The following FYB1 variants were observed in gnomAD, a reference collection of about 807,000 sequenced individuals.
FYB1 encodes FYN binding protein 1.
A neutral mutation model predicts 94.1 loss-of-function variants in FYB1; 41 were observed. The observed-to-expected ratio is 0.44, with a 90% CI of 0.34 to 0.57. FYB1 has a LOEUF of 0.57. Among genes scored for constraint, FYB1 ranks in the 20% least tolerant of loss-of-function variants. FYB1 has a pLI of 0.02. For missense variants in FYB1, 1,050 were observed against 976.8 expected (o/e 1.07, Z -1.00); for synonymous variants, 367 against 353.2 (o/e 1.04, Z -0.44).
chr5:39,204,911 C>T (rs1016814302), intron 1 of FYB1, among the ~76,000 whole-genome samples: 1 of 152,240 alleles, frequency 6.6e-6, no homozygotes, highest in Admixed American at 6.5e-5. Flanking sequence ...ACCTTTCCTC[C>T]CTTTGCCACT....
intron 1 of FYB1, among the ~76,000 whole-genome samples, chr5:39,210,607 G>A (rs1016462843): frequency 6.6e-6 from 1 of 152,124 alleles, no homozygotes; most frequent in African/African-American, 2.4e-5. Flanking sequence ...CTACAAATTC[G>A]AACCTTCAAT....
chr5:39,221,945 G>T (rs1192232494), upstream of FYB1, among the ~76,000 whole-genome samples: 4 of 152,028 alleles, frequency 2.6e-5, no homozygotes, highest in Admixed American at 2.6e-4. Flanking sequence ...AGGTTGCAGT[G>T]AGCTGAGATT....
intron 16 of FYB1, among the ~76,000 whole-genome samples, chr5:39,111,276 C>A (rs888057471): frequency 6.6e-6 from 1 of 151,804 alleles, no homozygotes; most frequent in Non-Finnish European, 1.5e-5. Context: ...AGATTAGTAC[C>A]ATTTATTGCT....
chr5:39,224,619 G>A (rs572321158), intron 1 of FYB1, among the ~76,000 whole-genome samples: 1 of 152,260 alleles, frequency 6.6e-6, no homozygotes, highest in South Asian at 2.1e-4. Context: ...AACACATTAG[G>A]ATGAGAATGG....
At chr5:39,133,938 T>C (rs887200106) in intron 9 of FYB1, among the ~76,000 whole-genome samples, 1 of 152,202 alleles carries the variant, frequency 6.6e-6, no homozygotes, top group African/African-American at 2.4e-5. Flanking sequence ...ATAATGAACA[T>C]TATAAAAGTG....
intron 1 of FYB1, among the ~76,000 whole-genome samples, chr5:39,237,066 TAGTAGAA>T (rs950013295): frequency 2.6e-5 from 4 of 152,146 alleles, no homozygotes; most frequent in Admixed American, 2.6e-4. Flanking sequence ...ATGAAGGAAA[TAGTAGAA>T]AGCAAATTTA....
At chr5:39,263,340 A>T (rs976622572) in intron 1 of FYB1, among the ~76,000 whole-genome samples, 1 of 152,136 alleles carries the variant, frequency 6.6e-6, no homozygotes, top group African/African-American at 2.4e-5. Flanking sequence ...TGAGCCTCTT[A>T]TCCTTGGCTT....
intron 1 of FYB1, among the ~76,000 whole-genome samples, chr5:39,271,606 C>T (rs1752665701): frequency 6.6e-6 from 1 of 152,110 alleles, no homozygotes; most frequent in African/African-American, 2.4e-5. Flanking sequence ...TATATCCATA[C>T]AAAATCCTTT....
rs543278661 is a variant in FYB1 at position 39,141,031 on chromosome 5, A to G, written c.1339+64T>C. ...ACCCATTAATGAGCCTATAAGAATG[A>G]ATAGCTCAAACTTCTGTACCTGAGT... On this transcript the variant is annotated intron_variant, in intron 4 of 18. Transcript: ENST00000512982. 89 of 1,143,450 alleles carry G rather than the reference A, an allele frequency of 7.8e-5. No homozygotes were observed. In the South Asian group the frequency reaches 1.1e-3, roughly 14 times the overall value. The allele number at this position is 1,143,450 out of a possible 1,614,324, so 70.8% of individuals were successfully genotyped here.
chr5:39,255,302 A>C (rs1751888249), intron 1 of FYB1, among the ~76,000 whole-genome samples: 1 of 152,176 alleles, frequency 6.6e-6, no homozygotes, highest in Non-Finnish European at 1.5e-5. Flanking sequence ...TTTTAAAAAA[A>C]TTTTAAGCAT....
intron 16 of FYB1, among the ~76,000 whole-genome samples, chr5:39,113,420 C>T (rs1343512277): frequency 6.6e-6 from 1 of 152,054 alleles, no homozygotes; most frequent in Non-Finnish European, 1.5e-5. Context: ...ATTTATAGAG[C>T]AGAACACAAC....
upstream of FYB1, among the ~76,000 whole-genome samples, chr5:39,222,465 C>G (rs1440918941): frequency 6.6e-6 from 1 of 152,118 alleles, no homozygotes; most frequent in Non-Finnish European, 1.5e-5. Flanking sequence ...AAGGTGAGCC[C>G]AGCAATTTAT....
At chr5:39,247,209 G>T (rs922776646) in intron 1 of FYB1, among the ~76,000 whole-genome samples, 3 of 150,384 alleles carry the variant, frequency 2.0e-5, no homozygotes, top group Non-Finnish European at 4.4e-5. Flanking sequence ...TCAGAAGGGT[G>T]ACTGGCAAAG....
At chr5:39,176,754 A>G (rs533621041) in intron 2 of FYB1, among the ~76,000 whole-genome samples, 1 of 152,344 alleles carries the variant, frequency 6.6e-6, no homozygotes, top group Non-Finnish European at 1.5e-5. Flanking sequence ...GTTAAAAGTA[A>G]AATAAAAATA....
intron 2 of FYB1, among the ~76,000 whole-genome samples, chr5:39,174,213 G>T (rs1180102260): frequency 6.6e-6 from 1 of 152,090 alleles, no homozygotes; most frequent in African/African-American, 2.4e-5. Context: ...TGTAGCTATT[G>T]TAAATGGGAT....
At chr5:39,174,645 G>C (rs1745552519) in intron 2 of FYB1, among the ~76,000 whole-genome samples, 2 of 152,130 alleles carry the variant, frequency 1.3e-5, no homozygotes, top group African/African-American at 4.8e-5. Flanking sequence ...TTAAAAACAT[G>C]AGCTCCCGGA....
At chr5:39,133,279 T>A (rs1052599590) in intron 9 of FYB1, among the ~76,000 whole-genome samples, 1 of 152,172 alleles carries the variant, frequency 6.6e-6, no homozygotes, top group Non-Finnish European at 1.5e-5. Context: ...CAGATGATGT[T>A]TTTTGGGATC....
chr5:39,193,538 C>T (rs76367152), intron 2 of FYB1, among the ~76,000 whole-genome samples: 1 of 152,150 alleles, frequency 6.6e-6, no homozygotes. Flanking sequence ...GGAGAGCTAA[C>T]CTTCCCACCT....
At chr5:39,166,846 TG>T (rs1744783200) in intron 2 of FYB1, among the ~76,000 whole-genome samples, 1 of 152,058 alleles carries the variant, frequency 6.6e-6, no homozygotes, top group Non-Finnish European at 1.5e-5. Context: ...AATTAATTAA[TG>T]GGTACAATGT....
Sources: gnomAD v4.1 joint callset for allele counts (sites outside exome capture counted in the v4.1 genomes callset) on GRCh38, gnomAD v4.1.1 for gene constraint, MANE v1.5 for transcripts, NCBI Gene and HGNC (gene_info 2026-07-23, HGNC 2026-07-21) for gene names.